Variants in SAG observed in about 807,000 individuals in gnomAD.
The protein encoded by SAG is S-antigen visual arrestin.
A neutral mutation model predicts 55.0 loss-of-function variants in SAG; 45 were observed. The observed-to-expected ratio is 0.82, with a 90% CI of 0.64 to 1.05. SAG has a LOEUF of 1.05. Among genes scored for constraint, SAG ranks in the 50% least tolerant of loss-of-function variants. SAG has a pLI of 0.00. For missense variants in SAG, 455 were observed against 512.1 expected, an observed-to-expected ratio of 0.89 and a Z score of 1.08; for synonymous variants, 189 against 197.4, an observed-to-expected ratio of 0.96 and a Z score of 0.36.
intron 8 of SAG, 170 bp from the exon 9 acceptor site, chr2:233,329,323 A>G (rs1385939159): frequency 1.7e-6 from 1 of 584,528 alleles, no homozygotes; most frequent in Non-Finnish European, 3.1e-6. Context: ...GATGGGTGGA[A>G]TGTGTTTCAG....
chr2:233,326,935 G>A lies in SAG; in HGVS notation c.436-186G>A, dbSNP rs141358620. On this transcript the variant is annotated intron_variant, in intron 6 of 15. Coordinates refer to ENST00000409110, the MANE Select transcript of SAG (RefSeq NM_000541.5). ...TTTGGGCCCATGGCACACTCCTTGC[G>A]CTACTGTAATTGTTTCACTGTCAGT... Among the ~76,000 whole-genome samples, 312 of 152,330 alleles carry A rather than the reference G, an allele frequency of 2.0e-3. 1 individual carries two copies. The highest frequency in any genetic ancestry group is 7.0e-3 in the African/African-American group (290 of 41,570).
At chr2:233,335,466 G>C (rs904066662) in intron 11 of SAG, among the ~76,000 whole-genome samples, 2 of 152,220 alleles carry the variant, frequency 1.3e-5, no homozygotes, top group Non-Finnish European at 2.9e-5. Context: ...TGTGAAGCGT[G>C]GGGCCTGACA....
In SAG at chr2:233,340,882, C is replaced by T. The variant is rs748540830; in HGVS notation, c.1046+404C>T. ...AGCCTGGAGTGCAGTGACGTGATCT[C>T]GGCTCACCGTGACCTCCACTTCCTG... On this transcript the variant is annotated intron_variant, in intron 13 of 15. Transcript: ENST00000409110. The surrounding 1 kb of genome is among the most constrained non-coding windows in gnomAD (Gnocchi z 4.2). Among the ~76,000 whole-genome samples the T allele has an allele frequency of 5.9e-5, 9 of 151,882 alleles. No individual in the cohort carries two copies. Among genetic ancestry groups the T allele is most frequent in the Non-Finnish European group, 1.2e-4 (8 of 67,986 alleles).
rs1700180980 is a variant in SAG, at chr2:233,315,120, G to T, written c.76-955G>T. 2.0e-5 allele frequency among the ~76,000 whole-genome samples: 3 copies of T among 152,150 alleles called. No homozygotes were observed. In the South Asian group the frequency reaches 6.2e-4, roughly 32 times the overall value. ...AAGTGGGTAGAGACCTTCGTTGCCAGGGGCAGGACAGGGCCAGGGCCTGTG... is the reference window on the plus strand; with the variant it reads ...AAGTGGGTAGAGACCTTCGTTGCCATGGGCAGGACAGGGCCAGGGCCTGTG... On this transcript the variant is annotated intron_variant, in intron 2 of 15. Coordinates refer to ENST00000409110, the MANE Select transcript of SAG (RefSeq NM_000541.5).
intron 11 of SAG, among the ~76,000 whole-genome samples, chr2:233,337,617 A>T (rs2125347376): frequency 6.6e-6 from 1 of 152,244 alleles, no homozygotes; most frequent in African/African-American, 2.4e-5. Context: ...TCCTGGAAAC[A>T]CGTGCTTGAG....
At chr2:233,335,849 C>G (rs1212126773) in intron 11 of SAG, among the ~76,000 whole-genome samples, 1 of 152,244 alleles carries the variant, frequency 6.6e-6, no homozygotes, top group Non-Finnish European at 1.5e-5. Context: ...TCACTGCCAC[C>G]TCCCCATGTG....
chr2:233,320,495 G>A (rs1324801955), intron 4 of SAG, 135 bp from the exon 5 acceptor site: 3 of 616,408 alleles, frequency 4.9e-6, no homozygotes, highest in Non-Finnish European at 8.1e-6. Flanking sequence ...CTGGGTGGCA[G>A]GGTTCTCTCC....
At position 233,334,953 on chromosome 2, in the gene SAG, T is replaced by C. The variant is rs755334328; in HGVS notation, c.807-9T>C. 1 of 1,613,904 alleles carries C rather than the reference T, an allele frequency of 6.2e-7. No homozygotes were observed. The highest frequency in any genetic ancestry group is 1.7e-5 in the Admixed American group (1 of 60,034). On this transcript the variant is annotated splice_polypyrimidine_tract_variant and intron_variant, in intron 10 of 15. Coordinates refer to ENST00000409110, the MANE Select transcript of SAG (RefSeq NM_000541.5). ...TGGTTATAAATCTCCTCTGTTCTTC[T>C]TCCTCTAGAGAAAAAGTGCCACCAA...
intron 9 of SAG, among the ~76,000 whole-genome samples, chr2:233,329,866 T>G (rs1700693352): frequency 6.6e-6 from 1 of 152,232 alleles, no homozygotes; most frequent in Admixed American, 6.5e-5. Context: ...CTCATTGTGG[T>G]TGACAGATGC....
rs79459565 is a variant in SAG at position 233,320,339 on chromosome 2, G to A, written c.182-291G>A. On this transcript the variant is annotated intron_variant, in intron 4 of 15. Coordinates refer to ENST00000409110, the MANE Select transcript of SAG (RefSeq NM_000541.5). The stretch of plus-strand genomic sequence containing the variant: ...CACAGAGCTAGGGAATGAAGGGGGC[G>A]GGCAGGATGGAGGGGACTGGGTCCT... Among the ~76,000 whole-genome samples the A allele has an allele frequency of 6.8e-3, 1,030 of 152,296 alleles. 6 individuals carry two copies. Among genetic ancestry groups the A allele is most frequent in the African/African-American group, 0.023 (937 of 41,552 alleles).
intron 2 of SAG, among the ~76,000 whole-genome samples, chr2:233,314,040 C>G (rs757565373): frequency 1.3e-5 from 2 of 151,482 alleles, no homozygotes; most frequent in African/African-American, 4.9e-5. Context: ...GGCAACATGG[C>G]GAGACCCTGT....
At chr2:233,316,229 T>A (rs937826063) in intron 3 of SAG, 94 bp downstream of exon 3, 4 of 729,210 alleles carry the variant, frequency 5.5e-6, no homozygotes, top group Non-Finnish European at 9.7e-6. Flanking sequence ...TTGCTAATAA[T>A]CTAAATAAAG....
intron 14 of SAG, chr2:233,343,559 A>T: frequency 1.8e-6 from 1 of 565,388 alleles, no homozygotes; most frequent in Non-Finnish European, 2.7e-6. Flanking sequence ...AAAAACCACT[A>T]GACTGTCGAC....
rs947244832 is a variant in SAG, at chr2:233,323,310, T to C, written c.435+305T>C. ...CTGACCACAGGTGATCTGCCTGCCT[T>C]GGCCTCCCAAAGTGCTGGGATTACA... On this transcript the variant is annotated intron_variant, in intron 6 of 15. Transcript: ENST00000409110. Among the ~76,000 whole-genome samples, 109 of 152,112 alleles carry C rather than the reference T, an allele frequency of 7.2e-4. 10 individuals carry two copies. Among genetic ancestry groups the C allele is most frequent in the Non-Finnish European group, 1.5e-5 (1 of 68,016 alleles).
At chr2:233,327,065 C>A in intron 6 of SAG, 56 bp from the exon 7 acceptor site, 1 of 1,412,670 alleles carries the variant, frequency 7.1e-7, no homozygotes, top group Non-Finnish European at 1.0e-6. Context: ...CCCTCTGGCC[C>A]GGCACCCAGG....
intron 5 of SAG, among the ~76,000 whole-genome samples, chr2:233,321,301 T>C (rs1024637564): frequency 4.6e-5 from 7 of 152,198 alleles, no homozygotes; most frequent in African/African-American, 1.7e-4. Flanking sequence ...CTACCAACGG[T>C]GCCAGCGTGC....
chr2:233,335,118 G>C lies in SAG; in HGVS notation c.944+19G>C. On this transcript the variant is annotated intron_variant, in intron 11 of 15. Coordinates refer to ENST00000409110, the MANE Select transcript of SAG (RefSeq NM_000541.5). Reference sequence around the variant, plus strand: ...GCACCATGTGAGTCCTCGAGGCTCAGGGAATAAGCCCTGGCAGGGCGGGCT... The same window carrying C: ...GCACCATGTGAGTCCTCGAGGCTCACGGAATAAGCCCTGGCAGGGCGGGCT... The C allele has an allele frequency of 6.2e-7, 1 of 1,604,594 alleles. No individual in the cohort carries two copies. Among genetic ancestry groups the C allele is most frequent in the Non-Finnish European group, 8.5e-7 (1 of 1,172,718 alleles).
intron 9 of SAG, among the ~76,000 whole-genome samples, chr2:233,330,164 T>C (rs926745620): frequency 2.6e-5 from 4 of 152,238 alleles, no homozygotes; most frequent in Non-Finnish European, 5.9e-5. Flanking sequence ...GGGTCTTATA[T>C]AATGGTCTTA....
chr2:233,329,174 C>T, intron 8 of SAG: 1 of 372,358 alleles, frequency 2.7e-6, no homozygotes, highest in East Asian at 6.8e-5. Context: ...GTTACACGGG[C>T]TCTGCTGGGT....
Sources: allele counts gnomAD v4.1 joint callset (sites outside exome capture counted in the v4.1 genomes callset), GRCh38; gene constraint gnomAD v4.1.1; non-coding constraint Gnocchi (gnomAD v3.1); transcripts MANE v1.5; gene names NCBI Gene and HGNC (gene_info 2026-07-23, HGNC 2026-07-21).